ARID1B: variants seen among roughly 807,000 people sequenced by gnomAD.
ARID1B encodes AT-rich interaction domain 1B, also known as AT-rich interactive domain-containing protein 1B.
A neutral mutation model predicts 212.3 loss-of-function variants in ARID1B; 30 were observed. That is an observed-to-expected ratio of 0.14 (90% CI 0.11 to 0.19). ARID1B has a LOEUF of 0.19. ARID1B is among the 10% of genes least tolerant of loss of function. The pLI, the probability that ARID1B is intolerant of heterozygous loss-of-function variation, is 1.00. For synonymous variants in ARID1B, 1,402 were observed against 1,301.7 expected (o/e 1.08, Z -1.66); for missense variants, 2,891 against 3,204.0 (o/e 0.90, Z 2.36).
intron 16 of ARID1B, among the ~76,000 whole-genome samples, chr6:157,196,714 G>C (rs929719516): frequency 6.6e-6 from 1 of 152,112 alleles, no homozygotes; most frequent in Non-Finnish European, 1.5e-5. Context: ...CCTTCTTTCT[G>C]TCTGGGGGAA....
intron 3 of ARID1B, among the ~76,000 whole-genome samples, chr6:156,904,093 C>T (rs1239265185): frequency 6.6e-6 from 1 of 152,180 alleles, no homozygotes; most frequent in Non-Finnish European, 1.5e-5. Context: ...CATGTCACCA[C>T]CCCCGTTCTT....
At chr6:157,103,999 C>A (rs909625249) in intron 5 of ARID1B, among the ~76,000 whole-genome samples, 6 of 151,814 alleles carry the variant, frequency 4.0e-5, no homozygotes, top group African/African-American at 1.5e-4. Flanking sequence ...CCATGCCCGG[C>A]TAATTTTTTG....
rs1554281399 is a variant in ARID1B, at chr6:157,003,866, A to AT, written c.2247+68301dup. ...ACTGTTCCTGGATAATTAAAAAAAA[A>AT]TTTTTTTTTTTCACTTTGGCCGAGA... On this transcript the variant is annotated intron_variant, in intron 4 of 19. Coordinates refer to ENST00000636930, the MANE Select transcript of ARID1B (RefSeq NM_001374828.1). Among the ~76,000 whole-genome samples the AT allele has an allele frequency of 5.0e-4, 74 of 148,950 alleles. 1 individual carries two copies. The highest frequency in any genetic ancestry group is 2.3e-3 in the South Asian group (11 of 4,686).
At chr6:157,088,645 T>C (rs1485232818) in intron 5 of ARID1B, among the ~76,000 whole-genome samples, 1 of 152,244 alleles carries the variant, frequency 6.6e-6, no homozygotes. Flanking sequence ...TTGGAGATGA[T>C]CATAAAGTTG....
At chr6:157,113,048 A>T (rs1192644692) in intron 6 of ARID1B, among the ~76,000 whole-genome samples, 2 of 151,922 alleles carry the variant, frequency 1.3e-5, no homozygotes, top group Non-Finnish European at 2.9e-5. Context: ...CAGCCTCCCA[A>T]GTAGCTGAGA....
chr6:157,130,046 G>A (rs1439128202), intron 6 of ARID1B, among the ~76,000 whole-genome samples: 1 of 152,132 alleles, frequency 6.6e-6, no homozygotes, highest in Non-Finnish European at 1.5e-5. Context: ...GCATGCACCT[G>A]TAATCCTAGC....
intron 4 of ARID1B, among the ~76,000 whole-genome samples, chr6:156,973,595 G>T (rs180747635): frequency 6.6e-6 from 1 of 152,280 alleles, no homozygotes; most frequent in Admixed American, 6.5e-5. Flanking sequence ...TTCCATATCA[G>T]ATGGGAGTTG....
At chr6:156,781,308 G>T (rs1779250278) in intron 1 of ARID1B, among the ~76,000 whole-genome samples, 1 of 151,900 alleles carries the variant, frequency 6.6e-6, no homozygotes, top group South Asian at 2.1e-4. Context: ...TGTTTTGTTA[G>T]ATTAGGTAAT....
At chr6:157,021,080 C>G (rs1172135000) in intron 4 of ARID1B, among the ~76,000 whole-genome samples, 1 of 151,552 alleles carries the variant, frequency 6.6e-6, no homozygotes, top group Non-Finnish European at 1.5e-5. Context: ...CTTCCCTCCT[C>G]GGCTGCGCTT....
intron 2 of ARID1B, among the ~76,000 whole-genome samples, chr6:156,880,695 G>A (rs1464759088): frequency 2.2e-5 from 3 of 136,150 alleles, no homozygotes; most frequent in South Asian, 4.6e-4. Flanking sequence ...AGCCAAGATC[G>A]TGCAACTGCA....
intron 4 of ARID1B, among the ~76,000 whole-genome samples, chr6:157,059,163 T>A (rs1382876833): frequency 6.6e-6 from 1 of 152,142 alleles, no homozygotes; most frequent in Non-Finnish European, 1.5e-5. Flanking sequence ...TGATTAGTTG[T>A]GTATCTTTAG....
At chr6:157,176,483 A>C (rs1792110917) in intron 11 of ARID1B, among the ~76,000 whole-genome samples, 1 of 152,206 alleles carries the variant, frequency 6.6e-6, no homozygotes, top group African/African-American at 2.4e-5. Flanking sequence ...ATAACTTCTC[A>C]AAAGTATTTG....
intron 2 of ARID1B, among the ~76,000 whole-genome samples, chr6:156,872,216 G>T (rs963867553): frequency 6.6e-6 from 1 of 152,202 alleles, no homozygotes; most frequent in Non-Finnish European, 1.5e-5. Flanking sequence ...GAGATTTCAT[G>T]TGTAAAAGCA....
rs148816699 is a variant in ARID1B, at chr6:157,094,409, C to T, written c.2491+9504C>T. ...TCACTCTGTCTTCCAGGCTAGAGTA[C>T]AGTGGCACGATCTCCACTCACTACA... On this transcript the variant is annotated intron_variant, in intron 5 of 19. Transcript: ENST00000636930. The surrounding 1 kb of genome is among the most constrained non-coding windows in gnomAD (Gnocchi z 4.3). Among the ~76,000 whole-genome samples the T allele has an allele frequency of 1.3e-5, 2 of 152,182 alleles. No individual in the cohort carries two copies. The highest frequency in any genetic ancestry group is 1.9e-4 in the East Asian group (1 of 5,180).
Position 157,063,235 on chromosome 6 carries a change from G to A in ARID1B, c.2248-21427G>A, listed in dbSNP as rs1033092095. Among the ~76,000 whole-genome samples the A allele has an allele frequency of 9.2e-5, 14 of 152,016 alleles. No homozygotes were observed. In the South Asian group the frequency reaches 2.7e-3, roughly 29 times the overall value. On this transcript the variant is annotated intron_variant, in intron 4 of 19. Coordinates refer to ENST00000636930, the MANE Select transcript of ARID1B (RefSeq NM_001374828.1). ...CCACCAGCCATTTTTTCATGCCAGT[G>A]TGAAATGTTGAGTAAGGGAAGAAGG... is the stretch of plus-strand genomic sequence containing the variant.
intron 3 of ARID1B, among the ~76,000 whole-genome samples, chr6:156,932,289 C>T (rs1441482450): frequency 6.6e-6 from 1 of 152,062 alleles, no homozygotes; most frequent in Non-Finnish European, 1.5e-5. Flanking sequence ...AAGGTTAAGG[C>T]CAGAGTCCAT....
At position 157,200,838 on chromosome 6, in the gene ARID1B, A is replaced by G. The variant is rs769118968; in HGVS notation, c.4613A>G (p.Asp1538Gly). Residue 1538 changes from aspartate to glycine, a missense_variant, in exon 18 of 20, where the codon GAC becomes GGC. Asp to Gly is a moderately conservative substitution (Grantham distance 94). Coordinates refer to ENST00000636930, the MANE Select transcript of ARID1B (RefSeq NM_001374828.1). The surrounding 1 kb of genome is among the most constrained non-coding windows in gnomAD (Gnocchi z 4.3). Reference sequence around the variant, plus strand: ...TATGGAGGCTCCTACTCGGGCCCGGACCGCAGGCCCATCCAGGGCCAGTAC... The same window carrying G: ...TATGGAGGCTCCTACTCGGGCCCGGGCCGCAGGCCCATCCAGGGCCAGTAC... ...NQYGGSYSGP[D>G]RRPIQGQYPY... 3.6e-5 allele frequency: 58 copies of G among 1,613,932 alleles called. No homozygotes were observed. The highest frequency in any genetic ancestry group is 4.4e-5 in the Non-Finnish European group (52 of 1,180,024).
chr6:157,110,046 T>C (rs527467946), intron 5 of ARID1B, among the ~76,000 whole-genome samples: 2 of 152,348 alleles, frequency 1.3e-5, no homozygotes, highest in East Asian at 3.9e-4. Flanking sequence ...TTTAGAAGTC[T>C]ATTGATATTA....
intron 4 of ARID1B, among the ~76,000 whole-genome samples, chr6:157,068,491 A>G (rs990504412): frequency 4.6e-5 from 7 of 152,248 alleles, no homozygotes; most frequent in Admixed American, 1.3e-4. Context: ...AGAACTGGAG[A>G]AAACATTCTG....
Sources: allele counts gnomAD v4.1 joint callset (sites outside exome capture counted in the v4.1 genomes callset), GRCh38; gene constraint gnomAD v4.1.1; non-coding constraint Gnocchi (gnomAD v3.1); transcripts MANE v1.5; gene names NCBI Gene and HGNC (gene_info 2026-07-23, HGNC 2026-07-21).